The following TNN variants were observed in gnomAD, a reference collection of about 807,000 sequenced individuals.
TNN encodes the protein tenascin-N.
A neutral mutation model predicts 134.4 loss-of-function variants in TNN; 122 were observed. That is an observed-to-expected ratio of 0.91 (90% CI 0.78 to 1.06). TNN has a LOEUF of 1.06. TNN is among the 50% of genes least tolerant of loss of function. The probability of loss-of-function intolerance (pLI) is 0.00; values close to 1 mark genes in which losing one functional copy is unlikely to be tolerated. For missense variants in TNN, 1,739 were observed against 1,699.4 expected (o/e 1.02, Z -0.41); for synonymous variants, 710 against 670.3 (o/e 1.06, Z -0.91).
chr1:175,084,220 G>C (rs754297305), intron 5 of TNN, among the ~76,000 whole-genome samples: 1 of 152,212 alleles, frequency 6.6e-6, no homozygotes, highest in Non-Finnish European at 1.5e-5. Flanking sequence ...GACCCTGTCT[G>C]TGTCTCAGAA....
In TNN at chr1:175,118,634, G is replaced by T. The variant is rs61742152; in HGVS notation, c.2460G>T (p.Val820=). ...CAGCCACTGTCTCCTGGGACCCGGTGCAGGCCACCATTGACAGGTATGTGG... is the reference window on the plus strand; with the variant it reads ...CAGCCACTGTCTCCTGGGACCCGGTTCAGGCCACCATTGACAGGTATGTGG... The part of the protein sequence containing the change: ...ENTATVSWDP[V]QATIDRYVVH... The change falls in exon 11 of 19, where the codon GTG becomes GTT. Residue 820 remains valine (V), a synonymous_variant. Transcript: ENST00000239462. The T allele has an allele frequency of 8.1e-6, 13 of 1,614,198 alleles. No individual in the cohort carries two copies. In the East Asian group the frequency reaches 2.7e-4, roughly 33 times the overall value.
chr1:175,118,423 A>T, intron 10 of TNN, 138 bp from the exon 11 acceptor site: 1 of 1,061,070 alleles, frequency 9.4e-7, no homozygotes, highest in East Asian at 2.4e-5. Context: ...TCCATGAAAC[A>T]GCTAAAAATG....
intron 9 of TNN, among the ~76,000 whole-genome samples, chr1:175,105,627 T>G (rs1034069662): frequency 6.9e-6 from 1 of 145,678 alleles, no homozygotes; most frequent in African/African-American, 2.5e-5. Context: ...GTATTGTAAT[T>G]TGTGCTTCCC....
chr1:175,145,322 G>C (rs1218108050), intron 18 of TNN, among the ~76,000 whole-genome samples: 1 of 151,986 alleles, frequency 6.6e-6, no homozygotes, highest in Non-Finnish European at 1.5e-5. Flanking sequence ...GGAGGCTGAG[G>C]TGAGCTGATT....
chr1:175,074,445 A>G (rs1024184901), intron 1 of TNN, among the ~76,000 whole-genome samples: 7 of 150,210 alleles, frequency 4.7e-5, no homozygotes, highest in African/African-American at 1.7e-4. Context: ...TGATTGTGCC[A>G]ATGCACTCCA....
In TNN at chr1:175,079,565, C is replaced by T. The variant is rs976390531; in HGVS notation, c.642C>T (p.Arg214=). Reference sequence around the variant, plus strand: ...GCAGCGGACACGGCGAGTGCGTGCGCGGCGTGTGCCAGTGCCACGAAGACT... The same window carrying T: ...GCAGCGGACACGGCGAGTGCGTGCGTGGCGTGTGCCAGTGCCACGAAGACT... ...ENCSGHGECV[R]GVCQCHEDFM... Residue 214 remains arginine, a synonymous_variant, in exon 3 of 19, where the codon CGC becomes CGT. Transcript: ENST00000239462. 1.0e-5 allele frequency: 16 copies of T among 1,578,690 alleles called. No homozygotes were observed. Among genetic ancestry groups the T allele is most frequent in the African/African-American group, 5.4e-5 (4 of 74,066 alleles).
intron 2 of TNN, among the ~76,000 whole-genome samples, chr1:175,078,194 C>T (rs1480434009): frequency 6.6e-6 from 1 of 152,154 alleles, no homozygotes; most frequent in East Asian, 1.9e-4. Flanking sequence ...AGACAGGTTA[C>T]AAATCCCAGT....
chr1:175,141,736 C>T (rs1558376752), intron 17 of TNN, among the ~76,000 whole-genome samples: 1 of 152,132 alleles, frequency 6.6e-6, no homozygotes, highest in Non-Finnish European at 1.5e-5. Context: ...CTCAGAGGGA[C>T]ATTTTGATGA....
intron 10 of TNN, among the ~76,000 whole-genome samples, chr1:175,117,687 AAGG>A (rs1675220785): frequency 6.6e-6 from 1 of 152,220 alleles, no homozygotes; most frequent in South Asian, 2.1e-4. Context: ...AAGTTCTATG[AAGG>A]AGATGACATG....
Position 175,105,834 on chromosome 1 carries a change from T to G in TNN, c.2119+7239T>G, listed in dbSNP as rs560320903. ...AAACCGCCCACAGTTTTGGTTTGTT[T>G]TGTTTCTCTCCCTGCCCAAGGACCT... is the stretch of plus-strand genomic sequence containing the variant. On this transcript the variant is annotated intron_variant, in intron 9 of 18. Coordinates refer to ENST00000239462, the MANE Select transcript of TNN (RefSeq NM_022093.2). Among the ~76,000 whole-genome samples the G allele has an allele frequency of 2.2e-3, 317 of 145,542 alleles. 47 individuals carry two copies. The highest frequency in any genetic ancestry group is 3.2e-3 in the Non-Finnish European group (208 of 65,574).
intron 18 of TNN, 100 bp downstream of exon 18, chr1:175,144,650 A>T: frequency 7.6e-7 from 1 of 1,308,968 alleles, no homozygotes; most frequent in Non-Finnish European, 1.0e-6. Flanking sequence ...TCTCCTTCTG[A>T]AGCTTCCAGT....
chr1:175,128,627 A>G lies in TNN; in HGVS notation c.3211A>G (p.Ser1071Gly). 1.2e-6 allele frequency: 2 copies of G among 1,613,516 alleles called. No homozygotes were observed. Among genetic ancestry groups the G allele is most frequent in the Non-Finnish European group, 1.7e-6 (2 of 1,179,718 alleles). Residue 1071 changes from serine (S) to glycine (G), a missense_variant, in exon 15 of 19, where the codon AGT (serine) becomes GGT (glycine). Coordinates refer to ENST00000239462, the MANE Select transcript of TNN (RefSeq NM_022093.2). ...GARFPHPSDC[S>G]QVQQNSNAAS... ...CCGTTTCCCACACCCTTCGGACTGC[A>G]GTCAGGTTCAGCAGAACAGCAATGC...
At chr1:175,080,080 C>A in intron 3 of TNN, 83 bp from the exon 4 acceptor site, 1 of 1,561,196 alleles carries the variant, frequency 6.4e-7, no homozygotes. Context: ...CACACCCACC[C>A]TTATAGTGCT....
chr1:175,106,423 G>A (rs1216461804), intron 9 of TNN, among the ~76,000 whole-genome samples: 3 of 145,792 alleles, frequency 2.1e-5, no homozygotes, highest in African/African-American at 7.4e-5. Flanking sequence ...ATTCCAGGTA[G>A]TCCCCACTAC....
At position 175,140,459 on chromosome 1, in the gene TNN, C is replaced by T. The variant is rs529612399; in HGVS notation, c.3595+3471C>T. 2.8e-3 allele frequency among the ~76,000 whole-genome samples: 419 copies of T among 152,326 alleles called. 2 individuals are homozygous for T. Among genetic ancestry groups the T allele is most frequent in the Non-Finnish European group, 1.9e-3 (131 of 68,022 alleles). On this transcript the variant is annotated intron_variant, in intron 17 of 18. Coordinates refer to ENST00000239462, the MANE Select transcript of TNN (RefSeq NM_022093.2). Reference sequence around the variant, plus strand: ...GGAACCTCACTCAGGCCTGTCCTCCCGGGCTGCACATTTCCTTTCCCTTGG... The same window carrying T: ...GGAACCTCACTCAGGCCTGTCCTCCTGGGCTGCACATTTCCTTTCCCTTGG...
chr1:175,145,576 G>C (rs1443680841), intron 18 of TNN, among the ~76,000 whole-genome samples: 4 of 28,714 alleles, frequency 1.4e-4, no homozygotes, highest in African/African-American at 2.3e-4. Context: ...AAAAAAAAAA[G>C]CTGTCTCAAG....
intron 1 of TNN, among the ~76,000 whole-genome samples, chr1:175,069,224 G>T (rs988269005): frequency 6.6e-6 from 1 of 152,176 alleles, no homozygotes; most frequent in Non-Finnish European, 1.5e-5. Context: ...ACCTTGCTCG[G>T]TCAGGGCTAC....
chr1:175,073,335 C>T (rs960319714), intron 1 of TNN, among the ~76,000 whole-genome samples: 1 of 152,074 alleles, frequency 6.6e-6, no homozygotes, highest in Admixed American at 6.5e-5. Context: ...TTGTGATGAA[C>T]GTCTAAGGAT....
chr1:175,074,476 TC>T (rs1673991372), intron 1 of TNN, among the ~76,000 whole-genome samples: 2 of 110,236 alleles, frequency 1.8e-5, no homozygotes, highest in African/African-American at 7.8e-5. Flanking sequence ...CAGAATGGGA[TC>T]CTGTCTGAAA....
Sources: allele counts gnomAD v4.1 joint callset (sites outside exome capture counted in the v4.1 genomes callset), GRCh38; gene constraint gnomAD v4.1.1; transcripts MANE v1.5; gene names NCBI Gene and HGNC (gene_info 2026-07-23, HGNC 2026-07-21).